Variants in CHAT observed in about 807,000 individuals in gnomAD.
CHAT encodes the protein acetyl CoA:choline O-acetyltransferase.
Under a neutral mutation model 76.9 loss-of-function variants are expected in CHAT, and 61 were observed. That is an observed-to-expected ratio of 0.79 (90% confidence interval 0.65 to 0.98). The LOEUF is 0.98. CHAT is among the 50% of genes least tolerant of loss of function. The pLI is 0.00. For synonymous variants in CHAT, 407 were observed against 397.4 expected (o/e 1.02, Z -0.29); for missense variants, 946 against 986.9 (o/e 0.96, Z 0.56).
chr10:49,666,100 C>G lies in CHAT; in HGVS notation c.*1054C>G, dbSNP rs1296585435. Among the ~76,000 whole-genome samples, 8 of 152,224 alleles carry G rather than the reference C, an allele frequency of 5.3e-5. No homozygotes were observed. Among genetic ancestry groups the G allele is most frequent in the Non-Finnish European group, 1.0e-4 (7 of 68,044 alleles). On this transcript the variant is annotated 3_prime_UTR_variant, in exon 15 of 15. Transcript: ENST00000337653. The stretch of plus-strand genomic sequence containing the variant: ...GCTGGGCTCCTTTATTTGGAGCAGG[C>G]TATCCAGGGACTCTGACAAAAACCC...
At chr10:49,652,107 G>A in intron 11 of CHAT, 101 bp downstream of exon 11, 1 of 1,522,088 alleles carries the variant, frequency 6.6e-7, no homozygotes. Flanking sequence ...ACAGCCTTCT[G>A]TGGGCCTGGA....
intron 3 of CHAT, among the ~76,000 whole-genome samples, chr10:49,620,168 A>G (rs1456650032): frequency 1.3e-5 from 2 of 152,046 alleles, no homozygotes; most frequent in Non-Finnish European, 2.9e-5. Context: ...GGGGACAGGA[A>G]TTGGGACAGA....
chr10:49,619,967 G>A, intron 3 of CHAT, 51 bp downstream of exon 3: 5 of 1,555,182 alleles, frequency 3.2e-6, no homozygotes, highest in Non-Finnish European at 3.5e-6. Context: ...AGGCAGACCT[G>A]GAGACAGAGG....
chr10:49,652,099 A>G, intron 11 of CHAT, 93 bp downstream of exon 11: 1 of 1,554,476 alleles, frequency 6.4e-7, no homozygotes, highest in Non-Finnish European at 8.9e-7. Flanking sequence ...AGGGAGGGAC[A>G]GCCTTCTGTG....
chr10:49,644,488 C>T (rs958860240), intron 7 of CHAT, among the ~76,000 whole-genome samples: 3 of 152,150 alleles, frequency 2.0e-5, no homozygotes, highest in South Asian at 2.1e-4. Flanking sequence ...AGGGCATGGC[C>T]GGATCCTTGA....
chr10:49,615,844 T>A lies in CHAT; in HGVS notation c.287-658T>A, dbSNP rs960744278. 1.2e-4 allele frequency: 74 copies of A among 606,606 alleles called. 1 individual carries two copies. In the Middle Eastern group the frequency reaches 2.2e-3, roughly 18 times the overall value. The allele number at this position is 606,606 out of a possible 1,614,324, so 37.6% of individuals were successfully genotyped here. A position where few individuals can be genotyped will look rare whatever the true frequency, so the allele number is the denominator to read the frequency against. ...TACCTCCCTGGGCACTCCTATGGCA[T>A]CTACACTGGCAGCCTGCAGACCCGA... On this transcript the variant is annotated intron_variant, in intron 1 of 14. Coordinates refer to ENST00000337653, the MANE Select transcript of CHAT (RefSeq NM_020549.5).
chr10:49,621,996 A>C, intron 4 of CHAT, 101 bp from the exon 5 acceptor site: 6 of 1,349,048 alleles, frequency 4.4e-6, no homozygotes, highest in East Asian at 2.3e-5. Context: ...GAGGAAGGAG[A>C]TGGAAGGAAG....
intron 7 of CHAT, among the ~76,000 whole-genome samples, chr10:49,639,376 A>G (rs938224206): frequency 1.3e-5 from 2 of 151,284 alleles, no homozygotes; most frequent in Non-Finnish European, 2.9e-5. Flanking sequence ...TCTGAAGGAT[A>G]TTTTTTCTTG....
At chr10:49,623,999 G>A (rs1838826982) in intron 5 of CHAT, among the ~76,000 whole-genome samples, 1 of 152,102 alleles carries the variant, frequency 6.6e-6, no homozygotes, top group African/African-American at 2.4e-5. Flanking sequence ...CAACAAAATG[G>A]AAACCCAGTC....
At chr10:49,638,943 A>T (rs950429094) in intron 7 of CHAT, among the ~76,000 whole-genome samples, 3 of 152,108 alleles carry the variant, frequency 2.0e-5, no homozygotes, top group Non-Finnish European at 4.4e-5. Context: ...TTTAAAAAAA[A>T]CTTTCTTAGG....
At chr10:49,623,897 A>G (rs1021832625) in intron 5 of CHAT, among the ~76,000 whole-genome samples, 1 of 152,122 alleles carries the variant, frequency 6.6e-6, no homozygotes, top group Non-Finnish European at 1.5e-5. Flanking sequence ...CCCTCACAAG[A>G]CATCACGTTC....
chr10:49,648,726 T>TACACACAC (rs10580502), intron 9 of CHAT, 119 bp downstream of exon 9: 350 of 584,076 alleles, frequency 6.0e-4, no homozygotes, highest in African/African-American at 3.5e-3. Flanking sequence ...ATGTGTACTA[T>TACACACAC]ACACACACAC....
At chr10:49,621,908 G>A (rs1053930488) in intron 4 of CHAT, among the ~76,000 whole-genome samples, 189 bp from the exon 5 acceptor site, 6 of 152,066 alleles carry the variant, frequency 3.9e-5, no homozygotes, top group Non-Finnish European at 8.8e-5. Flanking sequence ...TAGTGCACAC[G>A]GGGGCGGCAT....
chr10:49,645,237 C>T (rs1839618662), intron 7 of CHAT, among the ~76,000 whole-genome samples: 1 of 152,156 alleles, frequency 6.6e-6, no homozygotes, highest in African/African-American at 2.4e-5. Context: ...GAACCTTTCC[C>T]TGCAAATGCC....
intron 7 of CHAT, among the ~76,000 whole-genome samples, chr10:49,633,356 T>C (rs1839188397): frequency 6.6e-6 from 1 of 152,082 alleles, no homozygotes; most frequent in Non-Finnish European, 1.5e-5. Flanking sequence ...TCTGGCTTGC[T>C]CTTTCCTGGG....
intron 7 of CHAT, among the ~76,000 whole-genome samples, chr10:49,635,104 A>C (rs1418179829): frequency 6.6e-6 from 1 of 151,878 alleles, no homozygotes; most frequent in East Asian, 1.9e-4. Flanking sequence ...CCCCTTCTTA[A>C]CTCCTGGGCA....
intron 1 of CHAT, among the ~76,000 whole-genome samples, chr10:49,615,417 C>T (rs1452643786): frequency 6.6e-6 from 1 of 152,202 alleles, no homozygotes; most frequent in East Asian, 1.9e-4. Flanking sequence ...CTCTGCCCAG[C>T]ACTGCAAGGC....
At chr10:49,652,257 G>C (rs561354391) in intron 11 of CHAT, among the ~76,000 whole-genome samples, 1 of 152,154 alleles carries the variant, frequency 6.6e-6, no homozygotes, top group Non-Finnish European at 1.5e-5. Context: ...AAGGACTGGA[G>C]TGTAGAGCTG....
At chr10:49,611,579 C>A (rs1181281706), upstream of CHAT, 2 of 1,608,478 alleles carry the variant, frequency 1.2e-6, no homozygotes, top group African/African-American at 2.7e-5. Context: ...CCAGTGGGCA[C>A]TCCCATCCAC....
Sources: allele counts gnomAD v4.1 joint callset (sites outside exome capture counted in the v4.1 genomes callset), GRCh38; gene constraint gnomAD v4.1.1; transcripts MANE v1.5; gene names NCBI Gene and HGNC (gene_info 2026-07-23, HGNC 2026-07-21).